NCALD: variants seen among roughly 807,000 people sequenced by gnomAD.
NCALD encodes the protein neurocalcin delta.
Under a neutral mutation model 18.6 loss-of-function variants are expected in NCALD, and 10 were observed. The ratio of observed to expected loss-of-function variants is 0.54; its 90% confidence interval spans 0.33 to 0.91. The LOEUF is 0.91. Among genes scored for constraint, NCALD ranks in the 40% least tolerant of loss-of-function variants. The probability of loss-of-function intolerance (pLI) is 0.03; values close to 1 mark genes in which losing one functional copy is unlikely to be tolerated. For synonymous variants in NCALD, 88 were observed against 87.4 expected (o/e 1.01, Z -0.04); for missense variants, 184 against 247.6 (o/e 0.74, Z 1.72).
chr8:102,043,861 G>A (rs17498920), intron 1 of NCALD, among the ~76,000 whole-genome samples: 9,384 of 151,872 alleles, frequency 0.062, 446 homozygotes, highest in Non-Finnish European at 0.096. Context: ...ATTACTGCTC[G>A]TTGTCTTTGC....
intron 2 of NCALD, among the ~76,000 whole-genome samples, chr8:101,700,199 C>A (rs1586236977): frequency 6.6e-6 from 1 of 151,938 alleles, no homozygotes; most frequent in East Asian, 1.9e-4. Flanking sequence ...TTGCTGGGAC[C>A]AAAGGCATGC....
intron 1 of NCALD, among the ~76,000 whole-genome samples, chr8:101,740,948 G>A (rs1481900179): frequency 6.6e-6 from 1 of 151,446 alleles, no homozygotes; most frequent in East Asian, 1.9e-4. Context: ...ATTTTTTCTA[G>A]TCTAATTACA....
intron 1 of NCALD, among the ~76,000 whole-genome samples, chr8:102,078,976 T>A (rs1462645763): frequency 6.6e-6 from 1 of 152,160 alleles, no homozygotes; most frequent in African/African-American, 2.4e-5. Context: ...AGGCAGTCAG[T>A]GGTGAGTTGT....
intron 2 of NCALD, among the ~76,000 whole-genome samples, chr8:101,940,350 C>T (rs116109585): frequency 4.6e-5 from 7 of 152,214 alleles, no homozygotes; most frequent in East Asian, 1.9e-4. Context: ...GAAAATTTAG[C>T]GACACCCTTA....
At chr8:102,009,749 G>C (rs1382452674) in intron 2 of NCALD, among the ~76,000 whole-genome samples, 3 of 152,220 alleles carry the variant, frequency 2.0e-5, no homozygotes, top group African/African-American at 7.2e-5. Context: ...TTTCTGTCTG[G>C]AGAAATCGAT....
At chr8:101,784,782 G>A (rs942511983) in intron 1 of NCALD, among the ~76,000 whole-genome samples, 3 of 152,154 alleles carry the variant, frequency 2.0e-5, no homozygotes, top group Non-Finnish European at 4.4e-5. Flanking sequence ...CTGGGCAACA[G>A]AGTGAGAACC....
At chr8:101,692,381 A>AC in intron 3 of NCALD, 2 of 985,336 alleles carry the variant, frequency 2.0e-6, no homozygotes, top group African/African-American at 1.7e-5. Context: ...GCTGGAGTGA[A>AC]AGCTGTCGGC....
Position 101,689,192 on chromosome 8 carries a change from C to T in NCALD, c.*117G>A, listed in dbSNP as rs550248364. ...CGTCACGGAGGAAGGCGCATCAGAC[C>T]GCACAGGGGACGGCATCACCATTGA... On this transcript the variant is annotated 3_prime_UTR_variant, in exon 4 of 4. Coordinates refer to ENST00000220931, the MANE Select transcript of NCALD (RefSeq NM_032041.3). The surrounding 1 kb of genome is among the most constrained non-coding windows in gnomAD (Gnocchi z 4.4). 2.0e-5 allele frequency: 19 copies of T among 938,344 alleles called. No individual in the cohort carries two copies. Among genetic ancestry groups the T allele is most frequent in the East Asian group, 7.8e-5 (3 of 38,280 alleles). 58.1% of individuals were successfully genotyped at this position (938,344 alleles called of 1,614,324 possible). A position where few individuals can be genotyped will look rare whatever the true frequency, so the allele number is the denominator to read the frequency against.
intron 4 of NCALD, among the ~76,000 whole-genome samples, chr8:101,885,802 A>G (rs1816655953): frequency 6.6e-6 from 1 of 152,226 alleles, no homozygotes; most frequent in Non-Finnish European, 1.5e-5. Flanking sequence ...GCCAAGGGGA[A>G]GTGTTCTTAT....
intron 4 of NCALD, among the ~76,000 whole-genome samples, chr8:101,862,179 A>G (rs1158769247): frequency 6.6e-6 from 1 of 152,228 alleles, no homozygotes; most frequent in East Asian, 1.9e-4. Context: ...AAAACAAAGG[A>G]TTGACTTTCA....
At chr8:101,712,586 G>GAAAAAAAAAAAA (rs1815850562) in intron 2 of NCALD, among the ~76,000 whole-genome samples, 1 of 14,264 alleles carries the variant, frequency 7.0e-5, no homozygotes, top group African/African-American at 2.9e-4. Context: ...CAAATGGAAA[G>GAAAAAAAAAAAA]CAAAAAAAAA....
chr8:101,991,364 T>C (rs1268684072), intron 2 of NCALD, among the ~76,000 whole-genome samples: 2 of 152,032 alleles, frequency 1.3e-5, no homozygotes, highest in Non-Finnish European at 1.5e-5. Context: ...GGATGAGAAT[T>C]TGAGGGAAAA....
chr8:101,800,893 GAGGGGAGGGGGAAAAA>G (rs1380081184), intron 4 of NCALD, among the ~76,000 whole-genome samples: 1 of 72,794 alleles, frequency 1.4e-5, no homozygotes, highest in African/African-American at 6.5e-5. Flanking sequence ...GGGGAGGGGA[GAGGGGAGGGGGAAAAA>G]AGGGGAGGGG....
intron 2 of NCALD, among the ~76,000 whole-genome samples, chr8:101,709,255 G>A (rs771117116): frequency 6.6e-6 from 1 of 152,164 alleles, no homozygotes; most frequent in Admixed American, 6.5e-5. Context: ...TACACCCTAC[G>A]GAGAGGATAT....
chr8:101,926,235 A>AC (rs1328896579), intron 2 of NCALD, among the ~76,000 whole-genome samples: 1 of 151,792 alleles, frequency 6.6e-6, no homozygotes, highest in Non-Finnish European at 1.5e-5. Context: ...TGCTTCTGGG[A>AC]CCCCCCAGTT....
intron 2 of NCALD, among the ~76,000 whole-genome samples, chr8:102,008,968 A>ACACACACACAC (rs60824028): frequency 1.5e-4 from 21 of 136,186 alleles, no homozygotes; most frequent in African/African-American, 4.7e-4. Flanking sequence ...ACACACACAC[A>ACACACACACAC]AGCCCTAAAA....
In NCALD at chr8:101,829,863, T is replaced by A. The variant is rs535707421; in HGVS notation, c.-20+57278A>T. On this transcript the variant is annotated intron_variant, in intron 4 of 6. Coordinates refer to the NCALD transcript ENST00000311028. Reference sequence around the variant, plus strand: ...ATTTTCTCTCTCTATTCCAACAGTATTATGTGACTAATAAAGGCATTTGGC... The same window carrying A: ...ATTTTCTCTCTCTATTCCAACAGTAATATGTGACTAATAAAGGCATTTGGC... Among the ~76,000 whole-genome samples, 7 of 152,312 alleles carry A rather than the reference T, an allele frequency of 4.6e-5. No individual in the cohort carries two copies. The South Asian group carries it at 1.5e-3, about 32-fold the overall frequency.
intron 1 of NCALD, among the ~76,000 whole-genome samples, chr8:102,101,300 G>T (rs191127913): frequency 2.6e-5 from 4 of 152,158 alleles, no homozygotes; most frequent in African/African-American, 9.7e-5. Flanking sequence ...CCTGAAATCC[G>T]CATTTTTATA....
At chr8:101,884,228 G>A (rs1053036440) in intron 4 of NCALD, among the ~76,000 whole-genome samples, 1 of 152,174 alleles carries the variant, frequency 6.6e-6, no homozygotes, top group Non-Finnish European at 1.5e-5. Flanking sequence ...GAGACTAGGT[G>A]TGGTACCTGC....
Sources: gnomAD v4.1 joint callset for allele counts (sites outside exome capture counted in the v4.1 genomes callset) on GRCh38, gnomAD v4.1.1 for gene constraint, Gnocchi (gnomAD v3.1) non-coding constraint, MANE v1.5 for transcripts, NCBI Gene and HGNC (gene_info 2026-07-23, HGNC 2026-07-21) for gene names.